The following RIC3 variants were observed in gnomAD, a reference collection of about 807,000 sequenced individuals.
The protein encoded by RIC3 is RIC3 acetylcholine receptor chaperone.
RIC3 carries 28 observed loss-of-function variants against 27.3 expected under a neutral mutation model. The ratio of observed to expected loss-of-function variants is 1.02; its 90% CI spans 0.76 to 1.41. The LOEUF (loss-of-function observed/expected upper bound fraction) is 1.41, where lower values mean the gene tolerates loss of function less well. RIC3 is among the 40% of genes most tolerant of loss of function. The pLI is 0.00. For synonymous variants in RIC3, 184 were observed against 160.4 expected (o/e 1.15, Z -1.11); for missense variants, 501 against 444.7 (o/e 1.13, Z -1.14).
At chr11:8,101,854 A>C, downstream of RIC3, 22 of 468,428 alleles carry the variant, frequency 4.7e-5, no homozygotes, top group Admixed American at 1.3e-4. Context: ...AATTCTTTCC[A>C]TGCCACGAGA....
Position 8,115,475 on chromosome 11 carries a change from G to C in RIC3, c.671-4338C>G, listed in dbSNP as rs1166913278. Among the ~76,000 whole-genome samples, 14 of 152,100 alleles carry C rather than the reference G, an allele frequency of 9.2e-5. No homozygotes were observed. In the East Asian group the frequency reaches 1.5e-3, roughly 17 times the overall value. ...AGGGTGTTCTTCAAGTAGAGAGCAA[G>C]GGACACTATTCAGTAACACAAATAT... On this transcript the variant is annotated intron_variant, in intron 5 of 5. Transcript: ENST00000309737.
rs1272718511 is a variant in RIC3, at chr11:8,126,602, T to C, written c.670+57A>G. ...TAATGAAGCTGATTTTTTAAAAATC[T>C]GTAACATCTCTTTTCTGGGCTGACA... is the stretch of plus-strand genomic sequence containing the variant. On this transcript the variant is annotated intron_variant, in intron 5 of 5. Coordinates refer to ENST00000309737, the MANE Select transcript of RIC3 (RefSeq NM_001206671.4). The C allele has an allele frequency of 5.0e-6, 8 of 1,592,898 alleles. 1 individual carries two copies. The South Asian group carries it at 8.0e-5, about 16-fold the overall frequency.
intron 4 of RIC3, among the ~76,000 whole-genome samples, chr11:8,130,757 T>C (rs910292517): frequency 9.2e-6 from 1 of 108,938 alleles, no homozygotes; most frequent in African/African-American, 6.1e-5. Flanking sequence ...TCAAAATAAG[T>C]GTGTGTTGTG....
chr11:8,159,613 A>C (rs1950995784), intron 1 of RIC3, among the ~76,000 whole-genome samples: 1 of 152,202 alleles, frequency 6.6e-6, no homozygotes, highest in Non-Finnish European at 1.5e-5. Flanking sequence ...CCCTAAACAA[A>C]ACGTTTCCAT....
rs147236856 is a variant in RIC3 at position 8,129,967 on chromosome 11, C to T, written c.522-3160G>A. 6.4e-3 allele frequency among the ~76,000 whole-genome samples: 982 copies of T among 152,290 alleles called. 22 individuals are homozygous for T. The highest frequency in any genetic ancestry group is 0.051 in the Admixed American group (781 of 15,294). Reference sequence around the variant, plus strand: ...CACACTCAGTGCTGAACTTATGATCCCAACTCCAAAGCCTTATGTACTTTC... The same window carrying T: ...CACACTCAGTGCTGAACTTATGATCTCAACTCCAAAGCCTTATGTACTTTC... On this transcript the variant is annotated intron_variant, in intron 4 of 5. Transcript: ENST00000309737.
At chr11:8,133,898 T>G (rs1742247734) in intron 4 of RIC3, among the ~76,000 whole-genome samples, 1 of 152,116 alleles carries the variant, frequency 6.6e-6, no homozygotes, top group African/African-American at 2.4e-5. Flanking sequence ...GAAAATATCT[T>G]CATGTTGTCT....
chr11:8,112,151 T>C (rs1945339028), intron 5 of RIC3, among the ~76,000 whole-genome samples: 1 of 152,222 alleles, frequency 6.6e-6, no homozygotes, highest in South Asian at 2.1e-4. Flanking sequence ...GACTCATTTG[T>C]AGAAAATTTG....
intron 1 of RIC3, among the ~76,000 whole-genome samples, chr11:8,146,968 GC>G (rs1949749118): frequency 6.6e-6 from 1 of 152,144 alleles, no homozygotes; most frequent in Non-Finnish European, 1.5e-5. Flanking sequence ...AATATCATGG[GC>G]CCCTTCAAGG....
chr11:8,128,684 C>T (rs1480374929), intron 4 of RIC3, among the ~76,000 whole-genome samples: 1 of 151,454 alleles, frequency 6.6e-6, no homozygotes, highest in East Asian at 1.9e-4. Context: ...CCTCACCATC[C>T]ATTATTTTCT....
chr11:8,160,798 A>G (rs1283415990), intron 1 of RIC3, among the ~76,000 whole-genome samples: 3 of 152,204 alleles, frequency 2.0e-5, no homozygotes, highest in African/African-American at 7.2e-5. Context: ...GTGTTCAAAC[A>G]CTTGCACCTA....
At chr11:8,142,341 G>A (rs1382855772) in intron 1 of RIC3, among the ~76,000 whole-genome samples, 1 of 149,724 alleles carries the variant, frequency 6.7e-6, no homozygotes, top group East Asian at 2.0e-4. Flanking sequence ...ATGATAAAGG[G>A]GATATCACCA....
chr11:8,097,383 C>T, the RIC3 span: 1 of 1,614,180 alleles, frequency 6.2e-7, no homozygotes, highest in Non-Finnish European at 8.5e-7. Context: ...GGGGCATGTA[C>T]CCCACCTACT....
chr11:8,097,510 T>C, the RIC3 span: 2 of 1,571,700 alleles, frequency 1.3e-6, no homozygotes, highest in Non-Finnish European at 1.7e-6. Flanking sequence ...AAGTCTCATA[T>C]CTACCACTGA....
At chr11:8,097,104 C>T in the RIC3 span, 2 of 1,115,756 alleles carry the variant, frequency 1.8e-6, no homozygotes, top group South Asian at 1.5e-5. Context: ...GCTGGCCAGG[C>T]CCCAATCCCA....
chr11:8,142,369 C>A (rs1303807128), intron 1 of RIC3, among the ~76,000 whole-genome samples: 3 of 151,314 alleles, frequency 2.0e-5, no homozygotes, highest in African/African-American at 7.4e-5. Flanking sequence ...CACAGAAATA[C>A]AAACTACCAT....
In RIC3 at chr11:8,126,807, G is replaced by A. The variant is rs1277030317; in HGVS notation, c.522C>T (p.Ser174=). 4 of 1,613,988 alleles carry A rather than the reference G, an allele frequency of 2.5e-6. No individual in the cohort carries two copies. In the Admixed American group the frequency reaches 5.0e-5, roughly 20 times the overall value. ...GGTCAGAAGTCACAGTCTGTGCTCT[G>A]CTTAGAAATATCAGACAATCCAACC... ...LINRVGPNGE[S]RAQTVTSDQE... The change falls in exon 5 of 6, where the codon AGC becomes AGT. Residue 174 remains serine (S), a splice_region_variant and synonymous_variant. Coordinates refer to ENST00000309737, the MANE Select transcript of RIC3 (RefSeq NM_001206671.4).
intron 2 of RIC3, chr11:8,138,623 G>C (rs1338938770): frequency 7.5e-6 from 3 of 402,226 alleles, no homozygotes. Flanking sequence ...ACTTCTCTTA[G>C]AAGCAAAATT....
chr11:8,149,379 C>T (rs553021656), intron 1 of RIC3, among the ~76,000 whole-genome samples: 1 of 152,176 alleles, frequency 6.6e-6, no homozygotes, highest in East Asian at 1.9e-4. Context: ...ATTAGTTTGG[C>T]TCCATTTAGG....
chr11:8,131,555 G>C (rs1947709728), intron 4 of RIC3, among the ~76,000 whole-genome samples: 1 of 152,074 alleles, frequency 6.6e-6, no homozygotes, highest in African/African-American at 2.4e-5. Flanking sequence ...ATGAAGTAAA[G>C]GAATGGTCAT....
Sources: allele counts gnomAD v4.1 joint callset (sites outside exome capture counted in the v4.1 genomes callset), GRCh38; gene constraint gnomAD v4.1.1; transcripts MANE v1.5; gene names NCBI Gene and HGNC (gene_info 2026-07-23, HGNC 2026-07-21).